Variants in MTHFD1 observed in about 807,000 individuals in gnomAD.
MTHFD1 encodes methylenetetrahydrofolate dehydrogenase, cyclohydrolase and formyltetrahydrofolate synthetase 1, also known as C-1-tetrahydrofolate synthase, cytoplasmic.
MTHFD1 carries 44 observed loss-of-function variants against 110.3 expected under a neutral mutation model. That is an observed-to-expected ratio of 0.40 (90% confidence interval 0.31 to 0.51). The LOEUF is 0.51. Ranked by LOEUF, MTHFD1 falls within the 20% of genes least tolerant of loss-of-function variation. The pLI, the probability that MTHFD1 is intolerant of heterozygous loss-of-function variation, is 0.60. For missense variants in MTHFD1, 909 were observed against 1,173.1 expected, an observed-to-expected ratio of 0.77 and a Z score of 3.29; for synonymous variants, 402 against 428.8, an observed-to-expected ratio of 0.94 and a Z score of 0.77.
In MTHFD1 at chr14:64,412,537, T is replaced by C. The variant is rs1181617009; in HGVS notation, c.240+12T>C. On this transcript the variant is annotated intron_variant, in intron 4 of 27. Transcript: ENST00000652337. The stretch of plus-strand genomic sequence containing the variant: ...CCACAGAATCTGAGGTGAGCTTTTA[T>C]GAGTTGATTGTGAAGAGGGAAGGTG... 12 of 1,609,010 alleles carry C rather than the reference T, an allele frequency of 7.5e-6. No individual in the cohort carries two copies. Among genetic ancestry groups the C allele is most frequent in the Admixed American group, 1.7e-5 (1 of 59,954 alleles).
At chr14:64,397,515 G>A (rs1269032298) in intron 1 of MTHFD1, among the ~76,000 whole-genome samples, 8 of 151,990 alleles carry the variant, frequency 5.3e-5, no homozygotes, top group African/African-American at 1.9e-4. Context: ...GGCTGGTCTC[G>A]AACTCCTGAC....
chr14:64,421,077 G>A (rs920582536), intron 8 of MTHFD1, among the ~76,000 whole-genome samples: 14 of 152,296 alleles, frequency 9.2e-5, no homozygotes, highest in Admixed American at 9.2e-4. Context: ...ACCTTCAGCT[G>A]CTTCCTCCCC....
intron 12 of MTHFD1, 120 bp downstream of exon 12, chr14:64,427,593 C>A: frequency 2.0e-6 from 2 of 1,010,220 alleles, no homozygotes; most frequent in Admixed American, 1.7e-5. Context: ...CCAGGAATGT[C>A]ATTCTCACAA....
intron 16 of MTHFD1, among the ~76,000 whole-genome samples, chr14:64,438,015 A>G (rs1173747178): frequency 1.3e-5 from 2 of 152,270 alleles, no homozygotes; most frequent in Non-Finnish European, 2.9e-5. Context: ...CTGGGATTAC[A>G]GGCATGCACC....
chr14:64,440,809 A>T (rs954380853), intron 18 of MTHFD1: 1 of 225,490 alleles, frequency 4.4e-6, no homozygotes, highest in African/African-American at 2.3e-5. Context: ...GATTTCTCAC[A>T]TCAGTCAGCA....
intron 12 of MTHFD1, among the ~76,000 whole-genome samples, chr14:64,428,020 C>G (rs975119642): frequency 6.6e-6 from 1 of 151,734 alleles, no homozygotes; most frequent in Non-Finnish European, 1.5e-5. Context: ...AGTGATTCTT[C>G]CATGTCTATT....
intron 7 of MTHFD1, among the ~76,000 whole-genome samples, chr14:64,418,664 C>G (rs1017044058): frequency 1.3e-5 from 2 of 152,004 alleles, no homozygotes; most frequent in Non-Finnish European, 2.9e-5. Context: ...TCAAGTGATT[C>G]TCCTGCCTCA....
intron 18 of MTHFD1, 102 bp downstream of exon 18, chr14:64,440,368 A>G: frequency 7.6e-7 from 1 of 1,315,728 alleles, no homozygotes. Context: ...TACTTAAGAC[A>G]TTGCAATTAA....
At chr14:64,422,397 T>C (rs949224805) in intron 8 of MTHFD1, among the ~76,000 whole-genome samples, 5 of 152,178 alleles carry the variant, frequency 3.3e-5, no homozygotes, top group Admixed American at 3.3e-4. Flanking sequence ...GGGATAACAT[T>C]GTAAGTCACT....
At chr14:64,436,113 G>A (rs1439310900) in intron 16 of MTHFD1, among the ~76,000 whole-genome samples, 1 of 138,760 alleles carries the variant, frequency 7.2e-6, no homozygotes, top group Non-Finnish European at 1.6e-5. Flanking sequence ...TTTTTTTTTT[G>A]AGATGGAGTC....
chr14:64,444,999 G>A (rs769998324), intron 22 of MTHFD1: 26 of 496,988 alleles, frequency 5.2e-5, no homozygotes, highest in Non-Finnish European at 7.7e-5. Flanking sequence ...TTTTGACCCC[G>A]GGGACATTTG....
chr14:64,449,025 T>TCCTGA, intron 23 of MTHFD1: 1 of 316,010 alleles, frequency 3.2e-6, no homozygotes, highest in Non-Finnish European at 6.2e-6. Context: ...GGTCTCGATC[T>TCCTGA]CCTGACCTCG....
chr14:64,457,429 G>A (rs548755567), intron 26 of MTHFD1, among the ~76,000 whole-genome samples: 1 of 152,020 alleles, frequency 6.6e-6, no homozygotes, highest in South Asian at 2.1e-4. Context: ...GTTTGCAGAA[G>A]GACATGAGGA....
In MTHFD1 at chr14:64,453,655, C is replaced by T. The variant is rs1345067781; in HGVS notation, c.2458-99C>T. On this transcript the variant is annotated intron_variant, in intron 24 of 27. Transcript: ENST00000652337. The stretch of plus-strand genomic sequence containing the variant: ...ATATGTATATAAAAACCATCTTCTG[C>T]CCCTTTTAGGGACTCTGACCTAGAA... 4.3e-5 allele frequency: 32 copies of T among 737,240 alleles called. 1 individual carries two copies. The highest frequency in any genetic ancestry group is 2.5e-6 in the Non-Finnish European group (1 of 402,842). The allele number at this position is 737,240 out of a possible 1,614,324, so 45.7% of individuals were successfully genotyped here. A position where few individuals can be genotyped will look rare whatever the true frequency, so the allele number is the denominator to read the frequency against.
chr14:64,398,906 T>C (rs1163116899), intron 1 of MTHFD1, among the ~76,000 whole-genome samples: 2 of 152,232 alleles, frequency 1.3e-5, no homozygotes, highest in African/African-American at 4.8e-5. Context: ...GACATCCTAG[T>C]GTATTGTTGA....
In MTHFD1 at chr14:64,442,197, CTG is replaced by C. The variant is rs747909344; in HGVS notation, c.1996+34_1996+35del. On this transcript the variant is annotated intron_variant, in intron 20 of 27. Transcript: ENST00000652337. ...GTTTTTTGCAAAACCAGTGAATAGA[CTG>C]TATGTTTCTTTTAACATCAGGGGAA... 2.4e-4 allele frequency: 394 copies of C among 1,613,512 alleles called. 1 individual carries two copies. Among genetic ancestry groups the C allele is most frequent in the East Asian group, 1.5e-3 (67 of 44,898 alleles).
At chr14:64,420,011 C>T (rs1019746136) in intron 8 of MTHFD1, 86 bp downstream of exon 8, 30 of 948,656 alleles carry the variant, frequency 3.2e-5, no homozygotes, top group Non-Finnish European at 4.6e-5. Flanking sequence ...AGAAGCTTGT[C>T]TCATTTTATG....
intron 3 of MTHFD1, 52 bp downstream of exon 3, chr14:64,411,201 T>C (rs539465811): frequency 3.6e-6 from 5 of 1,408,000 alleles, no homozygotes; most frequent in African/African-American, 1.4e-5. Flanking sequence ...ACCTGGGTCC[T>C]ATCGATTACC....
At chr14:64,421,112 T>C (rs1227434389) in intron 8 of MTHFD1, among the ~76,000 whole-genome samples, 1 of 152,282 alleles carries the variant, frequency 6.6e-6, no homozygotes, top group South Asian at 2.1e-4. Context: ...ATGTCTGTTA[T>C]TCCTTCCAAA....
Sources: gnomAD v4.1 joint callset for allele counts (sites outside exome capture counted in the v4.1 genomes callset) on GRCh38, gnomAD v4.1.1 for gene constraint, MANE v1.5 for transcripts, NCBI Gene and HGNC (gene_info 2026-07-23, HGNC 2026-07-21) for gene names.